The following ADAM10 variants were observed in gnomAD, a reference collection of about 807,000 sequenced individuals.
The protein encoded by ADAM10 is ADAM metallopeptidase domain 10, also known as disintegrin and metalloproteinase domain-containing protein 10.
ADAM10 carries 17 observed loss-of-function variants against 90.1 expected under a neutral mutation model. The observed-to-expected ratio is 0.19, with a 90% CI of 0.13 to 0.28. The LOEUF (loss-of-function observed/expected upper bound fraction) is 0.28, where lower values mean the gene tolerates loss of function less well. Among genes scored for constraint, ADAM10 ranks in the 10% least tolerant of loss-of-function variants. The pLI is 1.00. For synonymous variants in ADAM10, 310 were observed against 298.6 expected (o/e 1.04, Z -0.40); for missense variants, 610 against 914.3 (o/e 0.67, Z 4.29).
intron 2 of ADAM10, chr15:58,692,810 C>T (rs1374181085): frequency 3.1e-6 from 2 of 637,908 alleles, no homozygotes; most frequent in South Asian, 2.7e-5. Context: ...AAGCCAACAC[C>T]AAATTGCCCA....
At chr15:58,645,379 G>A in intron 6 of ADAM10, among the ~76,000 whole-genome samples, 1 of 151,978 alleles carries the variant, frequency 6.6e-6, no homozygotes, top group East Asian at 1.9e-4. Flanking sequence ...CTTCTCCTTT[G>A]GTTTCATTCT....
Position 58,607,468 on chromosome 15 carries a change from T to A in ADAM10, c.2025+2829A>T, listed in dbSNP as rs952505199. ...CTCACAAATCTCCAAGAAAGGTCTA[T>A]AGTATGGAGTAGTTTTCCAGATTCA... On this transcript the variant is annotated intron_variant, in intron 14 of 15. Coordinates refer to ENST00000260408, the MANE Select transcript of ADAM10 (RefSeq NM_001110.4). 9.2e-5 allele frequency among the ~76,000 whole-genome samples: 14 copies of A among 152,238 alleles called. 1 individual carries two copies.
intron 1 of ADAM10, among the ~76,000 whole-genome samples, chr15:58,739,093 A>G (rs1269876496): frequency 6.6e-6 from 1 of 152,178 alleles, no homozygotes; most frequent in East Asian, 1.9e-4. Flanking sequence ...TACATTAAAG[A>G]AAAAGGGCTC....
rs1051400979 is a variant in ADAM10, at chr15:58,679,052, A to T, written c.484+72T>A. ...CAGGAAAGAAAACAGCTAATGCTTC[A>T]TTTGTCTCCACACAGTTTTAACTAT... On this transcript the variant is annotated intron_variant, in intron 4 of 15. Transcript: ENST00000260408. 2.1e-6 allele frequency: 3 copies of T among 1,432,434 alleles called. No homozygotes were observed. In the African/African-American group the frequency reaches 4.2e-5, roughly 20 times the overall value. The allele number at this position is 1,432,434 out of a possible 1,614,324, so 88.7% of individuals were successfully genotyped here. A position where few individuals can be genotyped will look rare whatever the true frequency, so the allele number is the denominator to read the frequency against.
intron 9 of ADAM10, among the ~76,000 whole-genome samples, chr15:58,632,333 C>A (rs914261325): frequency 3.9e-4 from 59 of 152,098 alleles, no homozygotes; most frequent in Admixed American, 3.7e-3. Flanking sequence ...TACTGAAATA[C>A]GTAAGGATAG....
At chr15:58,601,370 A>G (rs576426271) in intron 14 of ADAM10, among the ~76,000 whole-genome samples, 159 of 152,146 alleles carry the variant, frequency 1.0e-3, no homozygotes, top group Admixed American at 2.7e-3. Context: ...CTGAGGGGGG[A>G]GAATCGCTTG....
chr15:58,669,120 C>T (rs1025468536), intron 4 of ADAM10, among the ~76,000 whole-genome samples: 11 of 151,986 alleles, frequency 7.2e-5, no homozygotes, highest in African/African-American at 2.7e-4. Context: ...TATTATATAC[C>T]AAACAAAGGG....
intron 4 of ADAM10, chr15:58,676,381 ACTGTCAGG>A: frequency 2.2e-6 from 1 of 449,518 alleles, no homozygotes. Flanking sequence ...ATTTTTATAC[ACTGTCAGG>A]TATATATTAA....
At chr15:58,737,828 G>A (rs180703609) in intron 1 of ADAM10, among the ~76,000 whole-genome samples, 38 of 152,160 alleles carry the variant, frequency 2.5e-4, no homozygotes, top group South Asian at 1.9e-3. Flanking sequence ...AAAAAAATAC[G>A]GAATGAAAAT....
At chr15:58,691,935 CA>C (rs1596074157) in intron 2 of ADAM10, 4 of 392,848 alleles carry the variant, frequency 1.0e-5, no homozygotes, top group Non-Finnish European at 2.0e-5. Context: ...CTCAGCCTCC[CA>C]AAGTGCTAGG....
At chr15:58,677,595 C>T (rs1897325825) in intron 4 of ADAM10, among the ~76,000 whole-genome samples, 1 of 151,960 alleles carries the variant, frequency 6.6e-6, no homozygotes, top group Non-Finnish European at 1.5e-5. Flanking sequence ...ATGAGAGAGG[C>T]ACAATAACAG....
chr15:58,617,908 A>C (rs1255317727), intron 11 of ADAM10, among the ~76,000 whole-genome samples: 5 of 152,078 alleles, frequency 3.3e-5, no homozygotes, highest in African/African-American at 9.7e-5. Flanking sequence ...AAAAAAAAAA[A>C]AAAACACATT....
intron 2 of ADAM10, among the ~76,000 whole-genome samples, chr15:58,688,786 A>ATCTCTCTCTCTCTCTCTCTCTCTCTCTC (rs1176204968): frequency 2.5e-5 from 3 of 122,388 alleles, no homozygotes; most frequent in African/African-American, 1.1e-4. Context: ...ATATATATAT[A>ATCTCTCTCTCTCTCTCTCTCTCTCTCTC]TCTCTCTCTC....
rs1470823432 is a variant in ADAM10, at chr15:58,700,998, C to T, written c.206+16579G>A. Among the ~76,000 whole-genome samples, 4 of 125,436 alleles carry T rather than the reference C, an allele frequency of 3.2e-5. No individual in the cohort carries two copies. The Admixed American group carries it at 3.4e-4, about 11-fold the overall frequency. The allele number at this position is 125,436 out of a possible 152,430, so 82.3% of individuals were successfully genotyped here. A position where few individuals can be genotyped will look rare whatever the true frequency, so the allele number is the denominator to read the frequency against. On this transcript the variant is annotated intron_variant, in intron 2 of 15. Transcript: ENST00000260408. ...CCAACCTGGGAGACAGAACAAAATTCCAACTTAAAAAAAAACAAAAAAACA... is the reference window on the plus strand; with the variant it reads ...CCAACCTGGGAGACAGAACAAAATTTCAACTTAAAAAAAAACAAAAAAACA...
chr15:58,743,419 T>C (rs1452037765), intron 1 of ADAM10, among the ~76,000 whole-genome samples: 2 of 152,112 alleles, frequency 1.3e-5, no homozygotes, highest in Admixed American at 6.6e-5. Context: ...GCCCCAACTT[T>C]AGCAAATTTT....
intron 1 of ADAM10, among the ~76,000 whole-genome samples, chr15:58,737,094 T>C (rs1314890891): frequency 2.6e-5 from 4 of 152,134 alleles, no homozygotes; most frequent in Admixed American, 1.3e-4. Flanking sequence ...TCTCCCTTTT[T>C]ACAATTTGAG....
At chr15:58,696,515 G>C (rs1322574293) in intron 2 of ADAM10, among the ~76,000 whole-genome samples, 2 of 146,474 alleles carry the variant, frequency 1.4e-5, no homozygotes, top group African/African-American at 5.1e-5. Context: ...GCCCAGACTA[G>C]AGTGCAATGC....
Position 58,647,246 on chromosome 15 carries a change from G to GTTTTTTTTTT in ADAM10, c.586-1043_586-1042insAAAAAAAAAA, listed in dbSNP as rs1323960397. ...CTTGGCAGCAAAGAGTAGACACTAA[G>GTTTTTTTTTT]TATTTTTTTTTTTTTTTTTTTTTTT... On this transcript the variant is annotated intron_variant, in intron 5 of 15. Transcript: ENST00000260408. Among the ~76,000 whole-genome samples the GTTTTTTTTTT allele has an allele frequency of 8.4e-4, 31 of 36,842 alleles. 3 individuals carry two copies. The highest frequency in any genetic ancestry group is 6.0e-3 in the Admixed American group (21 of 3,488). The allele number at this position is 36,842 out of a possible 152,430, so 24.2% of individuals were successfully genotyped here.
At chr15:58,664,219 C>T (rs1262309574) in intron 5 of ADAM10, among the ~76,000 whole-genome samples, 5 of 151,998 alleles carry the variant, frequency 3.3e-5, no homozygotes, top group African/African-American at 1.2e-4. Flanking sequence ...GCTAGATTAG[C>T]TATTCCTCTT....
Sources: gnomAD v4.1 joint callset for allele counts (sites outside exome capture counted in the v4.1 genomes callset) on GRCh38, gnomAD v4.1.1 for gene constraint, MANE v1.5 for transcripts, NCBI Gene and HGNC (gene_info 2026-07-23, HGNC 2026-07-21) for gene names.